Variants in SMC4 observed in about 807,000 individuals in gnomAD.
SMC4 encodes structural maintenance of chromosomes 4.
A neutral mutation model predicts 145.6 loss-of-function variants in SMC4; 87 were observed. That is an observed-to-expected ratio of 0.60 (90% CI 0.50 to 0.71). The LOEUF (loss-of-function observed/expected upper bound fraction) is 0.71. Ranked by LOEUF, SMC4 falls within the 30% of genes least tolerant of loss-of-function variation. The probability of loss-of-function intolerance (pLI) is 0.00; values close to 1 mark genes in which losing one functional copy is unlikely to be tolerated. For synonymous variants in SMC4, 558 were observed against 500.7 expected (o/e 1.11, Z -1.53); for missense variants, 1,447 against 1,537.1 (o/e 0.94, Z 0.98).
At chr3:160,400,686 C>A (rs1458173282) in intron 1 of SMC4, 136 bp from the exon 2 acceptor site, 2 of 1,153,512 alleles carry the variant, frequency 1.7e-6, no homozygotes, top group South Asian at 1.9e-5. Context: ...TGGCTCCCTT[C>A]CCGAAGTCCC....
chr3:160,400,914 G>A lies in SMC4; in HGVS notation c.88G>A (p.Ala30Thr), dbSNP rs750115639. The A allele has an allele frequency of 4.5e-5, 67 of 1,489,096 alleles. No individual in the cohort carries two copies. Among genetic ancestry groups the A allele is most frequent in the Non-Finnish European group, 5.4e-5 (61 of 1,128,628 alleles). The allele number at this position is 1,489,096 out of a possible 1,614,324, so 92.2% of individuals were successfully genotyped here. A position where few individuals can be genotyped will look rare whatever the true frequency, so the allele number is the denominator to read the frequency against. Residue 30 changes from alanine to threonine, a missense_variant, in exon 2 of 24, where the codon GCG becomes ACG. Coordinates refer to ENST00000357388, the MANE Select transcript of SMC4 (RefSeq NM_001002800.3). ...GTCCCCTGACGGCGCCAGCAGCGAC[G>A]CGGAGCCTGAGCCGCCGTCCGGCCG... is the stretch of plus-strand genomic sequence containing the variant. Reference protein sequence around the residue: ...PPSPDGASSDAEPEPPSGRTE... With the variant: ...PPSPDGASSDTEPEPPSGRTE...
Position 160,412,447 on chromosome 3 carries a change from A to G in SMC4, c.974A>G (p.Tyr325Cys), listed in dbSNP as rs1448146433. 3 of 1,601,110 alleles carry G rather than the reference A, an allele frequency of 1.9e-6. No individual in the cohort carries two copies. Among genetic ancestry groups the G allele is most frequent in the Non-Finnish European group, 2.6e-6 (3 of 1,171,160 alleles). The change falls in exon 7 of 24, where the codon TAT (tyrosine) becomes TGT (cysteine). Residue 325 changes from tyrosine (Y) to cysteine (C), a missense_variant. By Grantham distance (194) the Tyr-to-Cys change is radical. Transcript: ENST00000357388. Reference sequence around the variant, plus strand: ...AGAAAAAAGAATCATGTTTGTCAATATTATATGTAAGTGCCTTGATTGATA... The same window carrying G: ...AGAAAAAAGAATCATGTTTGTCAATGTTATATGTAAGTGCCTTGATTGATA... ...IFRKKNHVCQYYIYELQKRIA... is the reference protein window; with the variant it reads ...IFRKKNHVCQCYIYELQKRIA...
At chr3:160,432,586 T>C in intron 22 of SMC4, 71 bp downstream of exon 22, 1 of 1,025,836 alleles carries the variant, frequency 9.7e-7, no homozygotes, top group Admixed American at 3.0e-5. Flanking sequence ...TCAGTATTTC[T>C]TGGAGGTAGG....
chr3:160,428,631 A>C, intron 17 of SMC4, 122 bp from the exon 18 acceptor site: 2 of 790,870 alleles, frequency 2.5e-6, no homozygotes, highest in Non-Finnish European at 3.9e-6. Flanking sequence ...GCTTTTTCCC[A>C]TATGCCTAAA....
chr3:160,433,984 T>C lies in SMC4; in HGVS notation c.*175T>C, dbSNP rs1287703493. The C allele has an allele frequency of 2.2e-6, 1 of 463,044 alleles. No individual in the cohort carries two copies. The highest frequency in any genetic ancestry group is 3.8e-6 in the Non-Finnish European group (1 of 264,412). 28.7% of individuals were successfully genotyped at this position (463,044 alleles called of 1,614,324 possible). A position where few individuals can be genotyped will look rare whatever the true frequency, so the allele number is the denominator to read the frequency against. On this transcript the variant is annotated 3_prime_UTR_variant, in exon 24 of 24. Coordinates refer to ENST00000357388, the MANE Select transcript of SMC4 (RefSeq NM_001002800.3). ...ATAAAATATTCTCTATAATTGCTTC[T>C]AGATTACAAAAATATGACAATCTTG... is the stretch of plus-strand genomic sequence containing the variant.
chr3:160,430,620 C>T lies in SMC4; in HGVS notation c.2817C>T (p.Asp939=), dbSNP rs780744552. Reference sequence around the variant, plus strand: ...TTAGAAACCTTCAAAAGGCACAAGACTCTGTCTTGCGTACAGAGAAAGAAA... The same window carrying T: ...TTAGAAACCTTCAAAAGGCACAAGATTCTGTCTTGCGTACAGAGAAAGAAA... ...TADRNLQKAQ[D]SVLRTEKEIK... Residue 939 remains aspartate, a synonymous_variant, in exon 19 of 24, where the codon GAC becomes GAT. Transcript: ENST00000357388. The T allele has an allele frequency of 1.4e-5, 22 of 1,608,880 alleles. No homozygotes were observed. The highest frequency in any genetic ancestry group is 1.9e-5 in the Non-Finnish European group (22 of 1,178,056).
At chr3:160,415,307 T>C (rs1373576432) in intron 9 of SMC4, among the ~76,000 whole-genome samples, 1 of 152,178 alleles carries the variant, frequency 6.6e-6, no homozygotes, top group African/African-American at 2.4e-5. Flanking sequence ...AAGATTCCAG[T>C]GAATAGTGAT....
Position 160,414,356 on chromosome 3 carries a change from T to G in SMC4, c.1122-11T>G. 6.3e-7 allele frequency: 1 copy of G among 1,583,042 alleles called. No individual in the cohort carries two copies. Among genetic ancestry groups the G allele is most frequent in the Non-Finnish European group, 8.7e-7 (1 of 1,153,548 alleles). On this transcript the variant is annotated splice_polypyrimidine_tract_variant and intron_variant, in intron 8 of 23. Transcript: ENST00000357388. The stretch of plus-strand genomic sequence containing the variant: ...TCAAAATAATGACTTACAATATACT[T>G]GCTTTGCTAGGAAACTGAATAAAAT...
chr3:160,430,876 G>C, intron 19 of SMC4, 133 bp downstream of exon 19: 1 of 1,235,338 alleles, frequency 8.1e-7, no homozygotes, highest in Non-Finnish European at 1.1e-6. Flanking sequence ...ATTTTTATTT[G>C]TACAATAAGA....
intron 4 of SMC4, among the ~76,000 whole-genome samples, chr3:160,403,370 TA>T (rs1414617328): frequency 6.6e-6 from 1 of 152,132 alleles, no homozygotes. Flanking sequence ...AAGGACAAGC[TA>T]ATGTTTGTTT....
chr3:160,422,665 A>AT (rs1717307417), intron 13 of SMC4, among the ~76,000 whole-genome samples: 1 of 152,134 alleles, frequency 6.6e-6, no homozygotes, highest in Admixed American at 6.5e-5. Flanking sequence ...TTGAGGCACA[A>AT]TTTATCTTTT....
At chr3:160,428,661 G>A (rs1369419821) in intron 17 of SMC4, 92 bp from the exon 18 acceptor site, 6 of 1,214,528 alleles carry the variant, frequency 4.9e-6, no homozygotes, top group Non-Finnish European at 6.8e-6. Context: ...AATGCATCAC[G>A]TCAAGTCATA....
chr3:160,420,448 C>A, intron 12 of SMC4: 2 of 307,032 alleles, frequency 6.5e-6, no homozygotes, highest in Non-Finnish European at 1.2e-5. Flanking sequence ...ATTTTAGATG[C>A]TTTTCAATAA....
intron 22 of SMC4, 75 bp from the exon 23 acceptor site, chr3:160,432,951 T>C: frequency 1.0e-6 from 1 of 987,362 alleles, no homozygotes. Context: ...TAGAACTCAA[T>C]TATGGAAAGC....
chr3:160,404,065 T>C (rs930721521), intron 4 of SMC4: 1 of 365,450 alleles, frequency 2.7e-6, no homozygotes, highest in Non-Finnish European at 4.9e-6. Context: ...TTTAGGCTTG[T>C]TTGGAGGTGG....
chr3:160,420,967 T>A (rs113768110), intron 13 of SMC4, 66 bp downstream of exon 13: 1 of 1,362,050 alleles, frequency 7.3e-7, no homozygotes, highest in East Asian at 2.6e-5. Context: ...TCTCGCTCTG[T>A]CACCCAGGCT....
intron 5 of SMC4, among the ~76,000 whole-genome samples, chr3:160,408,478 G>A (rs1715596512): frequency 6.6e-6 from 1 of 152,192 alleles, no homozygotes; most frequent in South Asian, 2.1e-4. Context: ...ACAAGAAATA[G>A]AGATAACACT....
Position 160,413,516 on chromosome 3 carries a change from G to GAA in SMC4, c.1029_1030dup (p.Ile344LysfsTer20). ...AATTGCTGAAATGGAAACTCAAAAG[G>GAA]AAAAAATTCATGAAGATACCAAAGA... On this transcript the variant is annotated frameshift_variant, in exon 8 of 24. Coordinates refer to ENST00000357388, the MANE Select transcript of SMC4 (RefSeq NM_001002800.3). LOFTEE classifies it high-confidence loss of function. 1 of 1,585,488 alleles carries GAA rather than the reference G, an allele frequency of 6.3e-7. No homozygotes were observed. The highest frequency in any genetic ancestry group is 8.5e-7 in the Non-Finnish European group (1 of 1,171,116).
At chr3:160,407,412 G>A (rs2108455499) in intron 5 of SMC4, among the ~76,000 whole-genome samples, 1 of 152,188 alleles carries the variant, frequency 6.6e-6, no homozygotes, top group Admixed American at 6.5e-5. Context: ...AATTAGCTGG[G>A]CATGGTGACA....
Sources: allele counts gnomAD v4.1 joint callset (sites outside exome capture counted in the v4.1 genomes callset), GRCh38; gene constraint gnomAD v4.1.1; transcripts MANE v1.5; gene names NCBI Gene and HGNC (gene_info 2026-07-23, HGNC 2026-07-21).